Variants in FGF14 observed in about 807,000 individuals in gnomAD.
FGF14 encodes the protein fibroblast growth factor 14, also known as fibroblast growth factor homologous factor 4.
A neutral mutation model predicts 25.5 loss-of-function variants in FGF14; 5 were observed. The observed-to-expected ratio is 0.20, with a 90% CI of 0.10 to 0.41. The LOEUF (loss-of-function observed/expected upper bound fraction) is 0.41, where lower values mean the gene tolerates loss of function less well. FGF14 is among the 10% of genes least tolerant of loss of function. FGF14 has a pLI of 1.00. For missense variants in FGF14, 222 were observed against 320.1 expected (o/e 0.69, Z 2.34); for synonymous variants, 138 against 118.3 (o/e 1.17, Z -1.08).
chr13:102,378,599 C>CTA (rs1158481297), intron 1 of FGF14, among the ~76,000 whole-genome samples: 10 of 115,868 alleles, frequency 8.6e-5, no homozygotes, highest in Admixed American at 6.9e-4. Flanking sequence ...ATATCTATAT[C>CTA]TATCTATCTA....
At chr13:102,184,236 G>C (rs2048791558) in intron 1 of FGF14, among the ~76,000 whole-genome samples, 1 of 152,072 alleles carries the variant, frequency 6.6e-6, no homozygotes, top group African/African-American at 2.4e-5. Context: ...CTAATCCCAG[G>C]ATACTACAAA....
At chr13:101,809,304 T>C (rs1326689088) in intron 3 of FGF14, among the ~76,000 whole-genome samples, 4 of 152,156 alleles carry the variant, frequency 2.6e-5, no homozygotes, top group African/African-American at 9.6e-5. Context: ...TGATTAAAAA[T>C]CTTTAACCTT....
chr13:101,786,465 G>A (rs1594242266), intron 3 of FGF14, among the ~76,000 whole-genome samples: 1 of 152,096 alleles, frequency 6.6e-6, no homozygotes, highest in East Asian at 1.9e-4. Flanking sequence ...AAAGTCTAAG[G>A]TCTAAGAAAG....
At chr13:101,782,117 T>G (rs527249658) in intron 3 of FGF14, among the ~76,000 whole-genome samples, 62 of 152,322 alleles carry the variant, frequency 4.1e-4, no homozygotes, top group African/African-American at 1.5e-3. Context: ...TATTCTCACT[T>G]TGAGTTTTTT....
intron 3 of FGF14, among the ~76,000 whole-genome samples, chr13:101,848,013 G>A (rs1433579353): frequency 6.6e-6 from 1 of 151,940 alleles, no homozygotes; most frequent in African/African-American, 2.4e-5. Context: ...CGCAAGCAGG[G>A]AACTCTCATC....
intron 1 of FGF14, among the ~76,000 whole-genome samples, chr13:102,094,136 T>A (rs912513014): frequency 7.3e-5 from 11 of 150,772 alleles, no homozygotes; most frequent in Admixed American, 6.6e-4. Context: ...GGCATGAACA[T>A]CTTGGACTTT....
At chr13:102,145,514 T>C (rs1190408950) in intron 1 of FGF14, among the ~76,000 whole-genome samples, 1 of 152,176 alleles carries the variant, frequency 6.6e-6, no homozygotes, top group African/African-American at 2.4e-5. Flanking sequence ...TTTAAGAACA[T>C]TTTAGCTGGG....
intron 3 of FGF14, among the ~76,000 whole-genome samples, chr13:101,817,340 T>A (rs1700636830): frequency 6.6e-6 from 1 of 152,150 alleles, no homozygotes; most frequent in African/African-American, 2.4e-5. Flanking sequence ...AATCTTTAAA[T>A]ACCTGAAACA....
intron 1 of FGF14, among the ~76,000 whole-genome samples, chr13:102,319,879 G>GTATA (rs778321866): frequency 6.6e-6 from 1 of 152,144 alleles, no homozygotes; most frequent in Non-Finnish European, 1.5e-5. Context: ...ATGTATGTAT[G>GTATA]TATATATTCA....
intron 1 of FGF14, among the ~76,000 whole-genome samples, chr13:102,319,236 T>A (rs950690215): frequency 1.1e-4 from 16 of 152,202 alleles, no homozygotes; most frequent in Non-Finnish European, 1.9e-4. Flanking sequence ...CAGAAAGAAC[T>A]AACCATATTA....
chr13:102,083,284 T>G (rs2043725355), intron 1 of FGF14, among the ~76,000 whole-genome samples: 1 of 152,222 alleles, frequency 6.6e-6, no homozygotes, highest in African/African-American at 2.4e-5. Context: ...CTTGTTTTCC[T>G]TCAGCCTATT....
At chr13:102,264,430 T>C (rs916528632) in intron 1 of FGF14, among the ~76,000 whole-genome samples, 14 of 152,194 alleles carry the variant, frequency 9.2e-5, no homozygotes, top group African/African-American at 3.1e-4. Flanking sequence ...CTTCAGCTGA[T>C]TGAGTTATAT....
intron 1 of FGF14, among the ~76,000 whole-genome samples, chr13:102,193,900 A>ATT (rs36075663): frequency 3.9e-5 from 6 of 151,926 alleles, no homozygotes; most frequent in African/African-American, 4.8e-5. Flanking sequence ...TCAGTCATGA[A>ATT]TTTTTTTATT....
intron 1 of FGF14, among the ~76,000 whole-genome samples, chr13:102,123,134 T>TC (rs1257987989): frequency 1.3e-5 from 2 of 152,062 alleles, no homozygotes; most frequent in Non-Finnish European, 2.9e-5. Context: ...AGAAGACACC[T>TC]CCATGTGAAG....
At chr13:102,230,475 G>T (rs1202225012) in intron 1 of FGF14, among the ~76,000 whole-genome samples, 1 of 152,046 alleles carries the variant, frequency 6.6e-6, no homozygotes, top group Non-Finnish European at 1.5e-5. Flanking sequence ...TCCATAAAAG[G>T]TATACTGGGA....
At chr13:102,125,439 A>G (rs2045912499) in intron 1 of FGF14, among the ~76,000 whole-genome samples, 1 of 152,178 alleles carries the variant, frequency 6.6e-6, no homozygotes, top group Admixed American at 6.5e-5. Context: ...CATAGAGCCA[A>G]TTCTCAAAGA....
At chr13:102,047,757 C>T (rs2042050392) in intron 1 of FGF14, among the ~76,000 whole-genome samples, 2 of 151,892 alleles carry the variant, frequency 1.3e-5, no homozygotes, top group African/African-American at 4.8e-5. Context: ...TGCAGCACAC[C>T]AACATGGCAC....
At chr13:102,189,217 G>T (rs2049028842) in intron 1 of FGF14, among the ~76,000 whole-genome samples, 1 of 152,198 alleles carries the variant, frequency 6.6e-6, no homozygotes, top group South Asian at 2.1e-4. Context: ...AGTAGAGGTT[G>T]ATAGGTTTGA....
At position 101,782,895 on chromosome 13, in the gene FGF14, T is replaced by C. The variant is rs1015709370; in HGVS notation, c.409-56085A>G. On this transcript the variant is annotated intron_variant, in intron 3 of 4. Transcript: ENST00000376143. ...GTAGAACAATTTGTAATCCCTGTGGTAATGGGATTGCTGAGTCAAATGGCA... is the reference window on the plus strand; with the variant it reads ...GTAGAACAATTTGTAATCCCTGTGGCAATGGGATTGCTGAGTCAAATGGCA... Among the ~76,000 whole-genome samples, 3 of 152,224 alleles carry C rather than the reference T, an allele frequency of 2.0e-5. No homozygotes were observed. In the East Asian group the frequency reaches 5.8e-4, roughly 29 times the overall value.
Sources: gnomAD v4.1 joint callset for allele counts (sites outside exome capture counted in the v4.1 genomes callset) on GRCh38, gnomAD v4.1.1 for gene constraint, MANE v1.5 for transcripts, NCBI Gene and HGNC (gene_info 2026-07-23, HGNC 2026-07-21) for gene names.